PDE9A: variants seen among roughly 807,000 people sequenced by gnomAD.
PDE9A encodes high affinity cGMP-specific 3',5'-cyclic phosphodiesterase 9A.
In PDE9A, 60 loss-of-function variants were observed where a neutral mutation model predicts 87.4. That is an observed-to-expected ratio of 0.69 (90% confidence interval 0.56 to 0.85). PDE9A has a LOEUF of 0.85. PDE9A is among the 40% of genes least tolerant of loss of function. PDE9A has a pLI of 0.00. For synonymous variants in PDE9A, 272 were observed against 279.4 expected (o/e 0.97, Z 0.27); for missense variants, 665 against 779.0 (o/e 0.85, Z 1.74).
intron 4 of PDE9A, among the ~76,000 whole-genome samples, chr21:42,711,732 G>A (rs958442605): frequency 1.3e-5 from 2 of 152,150 alleles, no homozygotes; most frequent in African/African-American, 2.4e-5. Context: ...TCAAGTTAAT[G>A]TTGTGTGTGT....
chr21:42,726,624 A>ATATATATTTT, intron 4 of PDE9A, among the ~76,000 whole-genome samples: 23 of 19,784 alleles, frequency 1.2e-3, no homozygotes, highest in Non-Finnish European at 1.4e-3. Flanking sequence ...ATATATATAT[A>ATATATATTTT]TTTTTTTTTT....
intron 18 of PDE9A, 89 bp from the exon 19 acceptor site, chr21:42,772,350 T>C: frequency 2.4e-6 from 2 of 845,408 alleles, no homozygotes; most frequent in South Asian, 2.9e-5. Flanking sequence ...TTGCAGCACC[T>C]CCAGGCAACA....
chr21:42,769,080 CAA>C lies in PDE9A; in HGVS notation c.1517_1518del (p.Lys506SerfsTer20), dbSNP rs1158271805. 6.2e-7 allele frequency: 1 copy of C among 1,613,718 alleles called. No individual in the cohort carries two copies. The highest frequency in any genetic ancestry group is 8.5e-7 in the Non-Finnish European group (1 of 1,179,758). On this transcript the variant is annotated frameshift_variant, in exon 17 of 20. Coordinates refer to ENST00000291539, the MANE Select transcript of PDE9A (RefSeq NM_002606.3). LOFTEE classifies it high-confidence loss of function. ...CTGTGGCACCGTTCATGGACCGAGA[CAA>C]AGTGACCAAGGCCACAGCCCAGATT... ...LPVAPFMDRDKVTKATAQIGF... is the reference protein window; with the variant it reads ...LPVAPFMDRDXVTKATAQIGF...
intron 4 of PDE9A, among the ~76,000 whole-genome samples, chr21:42,715,874 A>G (rs978843772): frequency 9.9e-5 from 15 of 151,688 alleles, no homozygotes; most frequent in African/African-American, 2.9e-4. Context: ...CTCAGACAGA[A>G]TCGGTTCACT....
At position 42,694,324 on chromosome 21, in the gene PDE9A, A is replaced by T. The variant is rs937151091; in HGVS notation, c.219-4644A>T. 1.3e-5 allele frequency among the ~76,000 whole-genome samples: 2 copies of T among 152,194 alleles called. No homozygotes were observed. Among genetic ancestry groups the T allele is most frequent in the African/African-American group, 4.8e-5 (2 of 41,458 alleles). ...CCCCCCAGCCTCAGGCCCAGGAACC[A>T]TGTCTTTGGAGGAGGCTCTCCTGCT... On this transcript the variant is annotated intron_variant, in intron 3 of 19. Coordinates refer to ENST00000291539, the MANE Select transcript of PDE9A (RefSeq NM_002606.3). The surrounding 1 kb of genome is among the most constrained non-coding windows in gnomAD (Gnocchi z 5.3).
chr21:42,673,641 G>T (rs2058681942), intron 1 of PDE9A, among the ~76,000 whole-genome samples: 1 of 152,218 alleles, frequency 6.6e-6, no homozygotes, highest in Admixed American at 6.5e-5. Flanking sequence ...GGGAACAAGA[G>T]GGTTCTTGTG....
chr21:42,682,793 C>T (rs1476793859), intron 1 of PDE9A, among the ~76,000 whole-genome samples: 2 of 152,206 alleles, frequency 1.3e-5, no homozygotes, highest in African/African-American at 4.8e-5. Context: ...GCGGTCACAG[C>T]CCAGCAAATG....
At chr21:42,685,096 G>A (rs1033381907) in intron 1 of PDE9A, among the ~76,000 whole-genome samples, 10 of 152,230 alleles carry the variant, frequency 6.6e-5, no homozygotes, top group Non-Finnish European at 1.3e-4. Context: ...GCAGCCAGGA[G>A]CCGGGGAAAC....
In PDE9A at chr21:42,660,166, G is replaced by A. The variant is rs186770828; in HGVS notation, c.69+6283G>A. Among the ~76,000 whole-genome samples the A allele has an allele frequency of 2.5e-3, 388 of 152,252 alleles. 1 individual carries two copies. Among genetic ancestry groups the A allele is most frequent in the African/African-American group, 8.2e-3 (339 of 41,564 alleles). ...CTGGGTGCAGGTGACCCAGCAAGCC[G>A]CACTCCTGGGAAATTTCAGAAGGTT... On this transcript the variant is annotated intron_variant, in intron 1 of 19. Transcript: ENST00000291539. The surrounding 1 kb of genome is among the most constrained non-coding windows in gnomAD (Gnocchi z 4.7).
intron 19 of PDE9A, 62 bp from the exon 20 acceptor site, chr21:42,775,218 G>A (rs1215532217): frequency 6.4e-7 from 1 of 1,558,458 alleles, no homozygotes; most frequent in Admixed American, 1.7e-5. Flanking sequence ...GGGATTAAAG[G>A]TGTGAGCCAC....
chr21:42,769,141 G>C lies in PDE9A; in HGVS notation c.1576G>C (p.Glu526Gln), dbSNP rs762813472. The change falls in exon 17 of 20, where the codon GAA (glutamate) becomes CAA (glutamine). Residue 526 changes from glutamate (E) to glutamine (Q), a missense_variant. Coordinates refer to ENST00000291539, the MANE Select transcript of PDE9A (RefSeq NM_002606.3). ...FIKFVLIPMF[E>Q]TVTKLFPMVE... ...CAAGTTTGTCCTGATCCCAATGTTT[G>C]AAACAGTGACCAAGGTGAGTAACTG... 2 of 1,613,530 alleles carry C rather than the reference G, an allele frequency of 1.2e-6. No homozygotes were observed.
In PDE9A at chr21:42,659,833, A is replaced by G. The variant is rs2057351623; in HGVS notation, c.69+5950A>G. On this transcript the variant is annotated intron_variant, in intron 1 of 19. Transcript: ENST00000291539. The surrounding 1 kb of genome is among the most constrained non-coding windows in gnomAD (Gnocchi z 4.1). ...GTGGAGGGGCTGTCTGGCCTCAGAA[A>G]TGGGCAAAAGACAGCTCTCGTTGTC... 6.6e-6 allele frequency among the ~76,000 whole-genome samples: 1 copy of G among 152,340 alleles called. No homozygotes were observed. Among genetic ancestry groups the G allele is most frequent in the East Asian group, 1.9e-4 (1 of 5,186 alleles).
intron 3 of PDE9A, 137 bp downstream of exon 3, chr21:42,688,131 G>C: frequency 1.3e-6 from 1 of 747,706 alleles, no homozygotes; most frequent in South Asian, 1.5e-5. Context: ...GAGGGTAGGA[G>C]CCAGTGTGAA....
intron 4 of PDE9A, among the ~76,000 whole-genome samples, chr21:42,720,203 T>A (rs1281691766): frequency 6.6e-6 from 1 of 152,094 alleles, no homozygotes. Context: ...CCTTAGAAGT[T>A]TACCCCTCCG....
chr21:42,676,314 G>A (rs1381975778), intron 1 of PDE9A, among the ~76,000 whole-genome samples: 1 of 152,230 alleles, frequency 6.6e-6, no homozygotes, highest in Non-Finnish European at 1.5e-5. Context: ...GTTCTTGCCT[G>A]TGTAGACTCT....
At chr21:42,731,201 G>A (rs2051698229) in intron 4 of PDE9A, among the ~76,000 whole-genome samples, 2 of 152,164 alleles carry the variant, frequency 1.3e-5, no homozygotes, top group South Asian at 4.1e-4. Flanking sequence ...CAGGTGATCT[G>A]CCTGCCTCGG....
chr21:42,767,036 G>A (rs946969195), intron 15 of PDE9A, among the ~76,000 whole-genome samples: 11 of 152,078 alleles, frequency 7.2e-5, no homozygotes, highest in African/African-American at 2.2e-4. Flanking sequence ...CCAGGGTTCC[G>A]TTTATCCCAA....
rs572419254 is a variant in PDE9A at position 42,704,236 on chromosome 21, G to A, written c.262+5225G>A. On this transcript the variant is annotated intron_variant, in intron 4 of 19. Coordinates refer to ENST00000291539, the MANE Select transcript of PDE9A (RefSeq NM_002606.3). This position sits in a 1 kb window ranked among gnomAD's most constrained non-coding sequence, Gnocchi z 5.3. Reference sequence around the variant, plus strand: ...TGCGCTTATTCCGCAGTGAGGAGTCGCTGGCTGTCCAGGGGAGCTGCATTT... The same window carrying A: ...TGCGCTTATTCCGCAGTGAGGAGTCACTGGCTGTCCAGGGGAGCTGCATTT... Among the ~76,000 whole-genome samples, 9 of 152,284 alleles carry A rather than the reference G, an allele frequency of 5.9e-5. No individual in the cohort carries two copies. In the South Asian group the frequency reaches 1.9e-3, roughly 32 times the overall value.
rs897255794 is a variant in PDE9A, at chr21:42,702,821, G to A, written c.262+3810G>A. ...AATGTTTGGAGATGAGAATGAAAGC[G>A]CCAGGGCCTTGAAGGTCGTTGCAAG... On this transcript the variant is annotated intron_variant, in intron 4 of 19. Coordinates refer to ENST00000291539, the MANE Select transcript of PDE9A (RefSeq NM_002606.3). The surrounding 1 kb of genome is among the most constrained non-coding windows in gnomAD (Gnocchi z 4.9). 3.3e-5 allele frequency among the ~76,000 whole-genome samples: 5 copies of A among 152,248 alleles called. No homozygotes were observed. The highest frequency in any genetic ancestry group is 6.5e-5 in the Admixed American group (1 of 15,282).
Sources: gnomAD v4.1 joint callset for allele counts (sites outside exome capture counted in the v4.1 genomes callset) on GRCh38, gnomAD v4.1.1 for gene constraint, Gnocchi (gnomAD v3.1) non-coding constraint, MANE v1.5 for transcripts, NCBI Gene and HGNC (gene_info 2026-07-23, HGNC 2026-07-21) for gene names.